JAZF1: variants seen among roughly 807,000 people sequenced by gnomAD.
The protein encoded by JAZF1 is juxtaposed with another zinc finger protein 1.
In JAZF1, 8 loss-of-function variants were observed where a neutral mutation model predicts 26.4. The observed-to-expected ratio is 0.30, with a 90% CI of 0.18 to 0.55. The LOEUF is 0.55. JAZF1 is among the 20% of genes least tolerant of loss of function. The probability of loss-of-function intolerance (pLI) is 0.94; values close to 1 mark genes in which losing one functional copy is unlikely to be tolerated. For missense variants in JAZF1, 199 were observed against 322.0 expected, an observed-to-expected ratio of 0.62 and a Z score of 2.92; for synonymous variants, 126 against 122.3, an observed-to-expected ratio of 1.03 and a Z score of -0.20.
intron 1 of JAZF1, among the ~76,000 whole-genome samples, chr7:28,081,063 T>C (rs1489512178): frequency 6.6e-6 from 1 of 151,952 alleles, no homozygotes; most frequent in Non-Finnish European, 1.5e-5. Flanking sequence ...AGAGGAAAAG[T>C]CAAGAAAACC....
At chr7:28,100,831 T>C (rs1411114187) in intron 1 of JAZF1, among the ~76,000 whole-genome samples, 7 of 151,748 alleles carry the variant, frequency 4.6e-5, no homozygotes, top group African/African-American at 1.5e-4. Flanking sequence ...CTGTGGTAGG[T>C]GGTCATGGGG....
intron 2 of JAZF1, among the ~76,000 whole-genome samples, chr7:27,933,988 A>T (rs774354541): frequency 7.9e-5 from 12 of 152,278 alleles, no homozygotes; most frequent in Non-Finnish European, 1.6e-4. Context: ...AACAGCCAAC[A>T]TAAAGAATGC....
chr7:28,118,813 A>G (rs1784792356), intron 1 of JAZF1, among the ~76,000 whole-genome samples: 1 of 151,826 alleles, frequency 6.6e-6, no homozygotes, highest in Non-Finnish European at 1.5e-5. Context: ...ACACAGAGTC[A>G]TGAGCAGCAT....
At chr7:28,124,201 AC>A (rs1435737554) in intron 1 of JAZF1, among the ~76,000 whole-genome samples, 1 of 152,042 alleles carries the variant, frequency 6.6e-6, no homozygotes, top group Non-Finnish European at 1.5e-5. Flanking sequence ...ACACAGAGAG[AC>A]CCCAGGAGTG....
chr7:27,849,421 G>A (rs1318045259), intron 3 of JAZF1, among the ~76,000 whole-genome samples: 1 of 152,198 alleles, frequency 6.6e-6, no homozygotes, highest in African/African-American at 2.4e-5. Flanking sequence ...GCTAATGTTA[G>A]AGTTTCTGCA....
intron 1 of JAZF1, among the ~76,000 whole-genome samples, chr7:28,005,951 C>T (rs1389846705): frequency 6.6e-6 from 1 of 151,456 alleles, no homozygotes; most frequent in African/African-American, 2.4e-5. Context: ...CAGTCTGCTA[C>T]TTTCTGTGTG....
At chr7:28,035,453 T>C (rs1783274692) in intron 1 of JAZF1, among the ~76,000 whole-genome samples, 1 of 147,738 alleles carries the variant, frequency 6.8e-6, no homozygotes, top group Non-Finnish European at 1.5e-5. Context: ...ACTTAAGAAA[T>C]CTAAAGAGAT....
intron 1 of JAZF1, among the ~76,000 whole-genome samples, chr7:28,099,540 G>A (rs529305551): frequency 4.6e-5 from 7 of 152,090 alleles, no homozygotes; most frequent in African/African-American, 7.2e-5. Context: ...GCAATGGAGC[G>A]ATCTCGACTC....
intron 2 of JAZF1, among the ~76,000 whole-genome samples, chr7:27,951,137 T>C (rs1475683908): frequency 6.6e-6 from 1 of 152,208 alleles, no homozygotes; most frequent in Non-Finnish European, 1.5e-5. Context: ...CTTAGCTCAG[T>C]GCCTGGCCCA....
intron 1 of JAZF1, among the ~76,000 whole-genome samples, chr7:28,081,575 T>C (rs1182669594): frequency 3.9e-5 from 6 of 152,180 alleles, no homozygotes; most frequent in African/African-American, 1.4e-4. Context: ...TCCACGCACT[T>C]GGACAAGCTG....
intron 1 of JAZF1, among the ~76,000 whole-genome samples, chr7:28,157,851 GAAC>G (rs1202232666): frequency 1.3e-5 from 2 of 151,874 alleles, no homozygotes; most frequent in African/African-American, 4.8e-5. Flanking sequence ...TGTTCAAAAT[GAAC>G]AAAAAATTAA....
chr7:28,035,386 A>C (rs1783273471), intron 1 of JAZF1, among the ~76,000 whole-genome samples: 1 of 150,288 alleles, frequency 6.7e-6, no homozygotes, highest in Admixed American at 6.6e-5. Flanking sequence ...TAGTGTTGAA[A>C]AACATCAGTG....
chr7:28,105,453 A>G (rs112726332), intron 1 of JAZF1, among the ~76,000 whole-genome samples: 230 of 152,334 alleles, frequency 1.5e-3, no homozygotes, highest in Middle Eastern at 0.01. Flanking sequence ...ATAAAACTGC[A>G]CCTTGGGACA....
chr7:27,975,338 T>C (rs1000963002), intron 2 of JAZF1, among the ~76,000 whole-genome samples: 1 of 152,116 alleles, frequency 6.6e-6, no homozygotes, highest in Non-Finnish European at 1.5e-5. Flanking sequence ...GGGATAGTGC[T>C]AAATCAGTCA....
At chr7:27,855,873 A>C (rs1294384345) in intron 3 of JAZF1, among the ~76,000 whole-genome samples, 2 of 152,230 alleles carry the variant, frequency 1.3e-5, no homozygotes, top group Admixed American at 1.3e-4. Context: ...TGAGGCCAGC[A>C]TCATCCTGAT....
chr7:28,172,469 G>A (rs1386414005), intron 1 of JAZF1, among the ~76,000 whole-genome samples: 7 of 152,122 alleles, frequency 4.6e-5, no homozygotes, highest in African/African-American at 1.4e-4. Context: ...TTGGTATCAG[G>A]CATATTCATG....
intron 3 of JAZF1, among the ~76,000 whole-genome samples, chr7:27,857,119 G>T (rs941461454): frequency 6.6e-6 from 1 of 152,332 alleles, no homozygotes; most frequent in Non-Finnish European, 1.5e-5. Context: ...GCGCTCGTCG[G>T]GGAGGCTTGG....
At chr7:27,968,900 G>C (rs1043457164) in intron 2 of JAZF1, among the ~76,000 whole-genome samples, 4 of 151,930 alleles carry the variant, frequency 2.6e-5, no homozygotes, top group African/African-American at 9.7e-5. Flanking sequence ...TGCTCCAAAT[G>C]AATTTACCCC....
chr7:28,018,231 G>A (rs772901947), intron 1 of JAZF1, among the ~76,000 whole-genome samples: 2 of 152,204 alleles, frequency 1.3e-5, no homozygotes, highest in African/African-American at 2.4e-5. Flanking sequence ...GGAGGAGTCG[G>A]CCAGGGCACA....
Sources: allele counts gnomAD v4.1 joint callset (sites outside exome capture counted in the v4.1 genomes callset), GRCh38; gene constraint gnomAD v4.1.1; transcripts MANE v1.5; gene names NCBI Gene and HGNC (gene_info 2026-07-23, HGNC 2026-07-21).